Variants in CEP57 observed in about 807,000 individuals in gnomAD.
The protein encoded by CEP57 is centrosomal protein of 57 kDa.
A neutral mutation model predicts 68.0 loss-of-function variants in CEP57; 40 were observed. The observed-to-expected ratio is 0.59, with a 90% CI of 0.46 to 0.77. The LOEUF (loss-of-function observed/expected upper bound fraction) is 0.77, where lower values mean the gene tolerates loss of function less well. Ranked by LOEUF, CEP57 falls within the 30% of genes least tolerant of loss-of-function variation. The pLI is 0.00. For missense variants in CEP57, 606 were observed against 580.7 expected (o/e 1.04, Z -0.45); for synonymous variants, 219 against 198.7 (o/e 1.10, Z -0.86).
At chr11:95,813,241 G>A in intron 3 of CEP57, 130 bp downstream of exon 3, 1 of 1,087,868 alleles carries the variant, frequency 9.2e-7, no homozygotes, top group Admixed American at 2.2e-5. Flanking sequence ...TTGTATTCTG[G>A]TGCATTTTGA....
At chr11:95,803,692 CTTT>C in intron 2 of CEP57, among the ~76,000 whole-genome samples, 1 of 143,266 alleles carries the variant, frequency 7.0e-6, no homozygotes, top group African/African-American at 2.5e-5. Context: ...CACTTTCCAT[CTTT>C]TTTTTTTTTC....
intron 2 of CEP57, among the ~76,000 whole-genome samples, chr11:95,807,225 C>G (rs1400782431): frequency 6.6e-6 from 1 of 152,158 alleles, no homozygotes; most frequent in Non-Finnish European, 1.5e-5. Context: ...TCACCATCAT[C>G]AGACCAAAGG....
chr11:95,809,710 A>G (rs1477528327), intron 2 of CEP57, among the ~76,000 whole-genome samples: 2 of 152,228 alleles, frequency 1.3e-5, no homozygotes, highest in East Asian at 3.8e-4. Flanking sequence ...AATAATTAAT[A>G]GCCTGCCAAC....
intron 1 of CEP57, among the ~76,000 whole-genome samples, chr11:95,792,206 T>TA (rs1175200535): frequency 6.6e-6 from 1 of 151,994 alleles, no homozygotes; most frequent in Non-Finnish European, 1.5e-5. Flanking sequence ...AAGAAAAAAG[T>TA]AAAAAACTAT....
At chr11:95,809,178 G>T (rs1048563833) in intron 2 of CEP57, among the ~76,000 whole-genome samples, 1 of 152,126 alleles carries the variant, frequency 6.6e-6, no homozygotes, top group Admixed American at 6.5e-5. Flanking sequence ...CAACATACCA[G>T]ATTCTTTGGG....
intron 4 of CEP57, among the ~76,000 whole-genome samples, chr11:95,817,307 C>T (rs1417794839): frequency 1.3e-5 from 2 of 151,792 alleles, no homozygotes; most frequent in Admixed American, 1.3e-4. Context: ...GCGGAGCTTG[C>T]GGTGAGCCGA....
intron 6 of CEP57, among the ~76,000 whole-genome samples, chr11:95,819,877 A>C (rs900973023): frequency 1.3e-5 from 2 of 151,108 alleles, no homozygotes; most frequent in Non-Finnish European, 3.0e-5. Context: ...TCCTTCTCAA[A>C]TATTTACCTT....
At chr11:95,818,788 A>AT (rs778589075) in intron 5 of CEP57, 39 bp from the exon 6 acceptor site, 10 of 1,527,614 alleles carry the variant, frequency 6.5e-6, no homozygotes, top group Non-Finnish European at 9.1e-6. Flanking sequence ...GACACTTAAG[A>AT]TTTTTCACCT....
At chr11:95,798,966 TATCATTTAAGTATTTCTGC>T (rs1358068426) in intron 1 of CEP57, among the ~76,000 whole-genome samples, 1 of 152,242 alleles carries the variant, frequency 6.6e-6, no homozygotes, top group Non-Finnish European at 1.5e-5. Flanking sequence ...ACATTCATTG[TATCATTTAAGTATTTCTGC>T]ACAGCATTTG....
At chr11:95,817,736 T>C in intron 4 of CEP57, 51 bp from the exon 5 acceptor site, 2 of 1,252,654 alleles carry the variant, frequency 1.6e-6, no homozygotes, top group Non-Finnish European at 1.2e-6. Flanking sequence ...TCAGTGTTTT[T>C]CTCTTTTTTG....
intron 1 of CEP57, among the ~76,000 whole-genome samples, chr11:95,796,959 A>C (rs1861374686): frequency 1.3e-5 from 2 of 152,202 alleles, no homozygotes; most frequent in South Asian, 4.1e-4. Context: ...CCTCTGGTGC[A>C]GCACCTTCCC....
chr11:95,826,950 C>T (rs1862770423), intron 8 of CEP57: 1 of 152,316 alleles, frequency 6.6e-6, no homozygotes, highest in East Asian at 1.9e-4. Flanking sequence ...TTTAGCTTAG[C>T]ATGGTGGTTC....
chr11:95,797,356 CAG>C (rs1455789308), intron 1 of CEP57, among the ~76,000 whole-genome samples: 1 of 151,678 alleles, frequency 6.6e-6, no homozygotes, highest in African/African-American at 2.4e-5. Flanking sequence ...TAGTTAGAGA[CAG>C]AGTTTCACCA....
chr11:95,820,407 A>G (rs1862469518), intron 6 of CEP57, among the ~76,000 whole-genome samples: 1 of 152,044 alleles, frequency 6.6e-6, no homozygotes, highest in South Asian at 2.1e-4. Flanking sequence ...GAGCCTGACC[A>G]ACATGGTGAA....
At chr11:95,812,864 A>C (rs1232525927) in intron 2 of CEP57, 68 bp from the exon 3 acceptor site, 2 of 1,399,626 alleles carry the variant, frequency 1.4e-6, no homozygotes, top group African/African-American at 2.8e-5. Flanking sequence ...AGATGAGTTT[A>C]TTCTTTCTTA....
chr11:95,817,971 A>G, intron 5 of CEP57, 68 bp downstream of exon 5: 2 of 876,142 alleles, frequency 2.3e-6, no homozygotes, highest in Admixed American at 1.7e-5. Flanking sequence ...TAATTATTTT[A>G]CATCACTGGA....
intron 2 of CEP57, among the ~76,000 whole-genome samples, chr11:95,802,127 G>A (rs1463342492): frequency 6.6e-6 from 1 of 152,060 alleles, no homozygotes; most frequent in Admixed American, 6.6e-5. Flanking sequence ...GGAGGTTAAA[G>A]GAGAGGAAAA....
At chr11:95,820,819 T>G (rs1174130275) in intron 6 of CEP57, among the ~76,000 whole-genome samples, 1 of 152,160 alleles carries the variant, frequency 6.6e-6, no homozygotes, top group Non-Finnish European at 1.5e-5. Flanking sequence ...TTCATTGAAT[T>G]GTGTCTAGTC....
intron 1 of CEP57, among the ~76,000 whole-genome samples, chr11:95,798,982 C>T (rs1266958230): frequency 6.6e-6 from 1 of 152,136 alleles, no homozygotes; most frequent in Admixed American, 6.5e-5. Context: ...TTAAGTATTT[C>T]TGCACAGCAT....
Sources: allele counts gnomAD v4.1 joint callset (sites outside exome capture counted in the v4.1 genomes callset), GRCh38; gene constraint gnomAD v4.1.1; transcripts MANE v1.5; gene names NCBI Gene and HGNC (gene_info 2026-07-23, HGNC 2026-07-21).